The following GATC variants were observed in gnomAD, a reference collection of about 807,000 sequenced individuals.
The protein encoded by GATC is glutamyl-tRNA amidotransferase subunit C.
In GATC, 11 loss-of-function variants were observed where a neutral mutation model predicts 14.4. The observed-to-expected ratio is 0.77, with a 90% CI of 0.48 to 1.27. GATC has a LOEUF of 1.27. Ranked by LOEUF, GATC falls within the 50% of genes most tolerant of loss-of-function variation. The pLI is 0.00. For missense variants in GATC, 204 were observed against 183.0 expected, an observed-to-expected ratio of 1.11 and a Z score of -0.66; for synonymous variants, 76 against 79.3, an observed-to-expected ratio of 0.96 and a Z score of 0.22.
chr12:120,449,823 C>T (rs956077143), intron 2 of GATC, among the ~76,000 whole-genome samples: 14 of 151,688 alleles, frequency 9.2e-5, no homozygotes, highest in Non-Finnish European at 1.8e-4. Flanking sequence ...AGTGCAATGG[C>T]GCGATCTCAG....
chr12:120,453,823 A>AAAAGT (rs1213687850), intron 2 of GATC, among the ~76,000 whole-genome samples: 1 of 145,318 alleles, frequency 6.9e-6, no homozygotes, highest in African/African-American at 2.4e-5. Context: ...CTCAAAAAAA[A>AAAAGT]AAAGTAAAAC....
chr12:120,457,026 T>C, intron 2 of GATC, 50 bp from the exon 3 acceptor site: 1 of 1,264,612 alleles, frequency 7.9e-7, no homozygotes, highest in Non-Finnish European at 1.2e-6. Context: ...CATCATCCCC[T>C]AAAAGCCCCC....
At chr12:120,452,327 G>A (rs1878073298) in intron 2 of GATC, among the ~76,000 whole-genome samples, 1 of 152,184 alleles carries the variant, frequency 6.6e-6, no homozygotes, top group African/African-American at 2.4e-5. Context: ...CAGAGCTTCT[G>A]CTGCCAAATA....
chr12:120,451,875 C>CTTTT lies in GATC; in HGVS notation c.254+5063_254+5066dup, dbSNP rs1170221029. Among the ~76,000 whole-genome samples, 213 of 90,822 alleles carry CTTTT rather than the reference C, an allele frequency of 2.3e-3. 19 individuals carry two copies. The highest frequency in any genetic ancestry group is 4.0e-3 in the Non-Finnish European group (177 of 44,182). The allele number at this position is 90,822 out of a possible 152,430, so 59.6% of individuals were successfully genotyped here. A position where few individuals can be genotyped will look rare whatever the true frequency, so the allele number is the denominator to read the frequency against. On this transcript the variant is annotated intron_variant, in intron 2 of 3. Coordinates refer to ENST00000551765, the MANE Select transcript of GATC (RefSeq NM_176818.3). ...CAGGGGCTAATAAATTATATAAATT[C>CTTTT]TTTTTTTTTTTTTTTTTTTTGAGCT...
rs752541266 is a variant in GATC at position 120,446,828 on chromosome 12, A to T, written c.253A>T (p.Arg85Ter). 9.3e-5 allele frequency: 148 copies of T among 1,592,724 alleles called. No individual in the cohort carries two copies. Among genetic ancestry groups the T allele is most frequent in the Non-Finnish European group, 1.3e-4 (146 of 1,165,926 alleles). ...GCCCATGGAATCGGTCCTGGAGGACAGGTAAACTCGCGGCTGCAGCCCCGA... is the reference window on the plus strand; with the variant it reads ...GCCCATGGAATCGGTCCTGGAGGACTGGTAAACTCGCGGCTGCAGCCCCGA... Reference protein sequence around the residue: ...VEPMESVLEDRCLYLRSDNVV... With the variant: ...VEPMESVLED The change falls in exon 2 of 4, where the codon AGA becomes TGA. Residue 85 changes from arginine (R) to a stop codon, truncating the protein, a stop_gained and splice_region_variant. Transcript: ENST00000551765. LOFTEE classifies it high-confidence loss of function.
At position 120,462,260 on chromosome 12, in the gene GATC, C is replaced by G. The variant is rs1041218021; in HGVS notation, c.*2301C>G. ...CTAACAATAATAGTTAAGTATTGAG[C>G]ACTTACTGTGTACTCTGTGCCTGGC... On this transcript the variant is annotated 3_prime_UTR_variant, in exon 4 of 4. Coordinates refer to ENST00000551765, the MANE Select transcript of GATC (RefSeq NM_176818.3). The G allele has an allele frequency of 2.2e-6, 3 of 1,333,680 alleles. No individual in the cohort carries two copies. The Admixed American group carries it at 6.7e-5, about 30-fold the overall frequency. The allele number at this position is 1,333,680 out of a possible 1,614,324, so 82.6% of individuals were successfully genotyped here.
intron 3 of GATC, 28 bp from the exon 4 acceptor site, chr12:120,459,879 A>T: frequency 1.9e-6 from 3 of 1,592,644 alleles, no homozygotes; most frequent in Non-Finnish European, 2.6e-6. Context: ...CAAACAAACA[A>T]AAATTCTCTT....
chr12:120,448,391 T>C (rs1441547225), intron 2 of GATC, among the ~76,000 whole-genome samples: 2 of 148,684 alleles, frequency 1.3e-5, no homozygotes, highest in Admixed American at 6.8e-5. Context: ...TGCAGTGGCA[T>C]GATCTTGGCT....
intron 3 of GATC, among the ~76,000 whole-genome samples, chr12:120,457,750 C>A (rs2137044828): frequency 6.6e-6 from 1 of 151,882 alleles, no homozygotes; most frequent in Admixed American, 6.6e-5. Context: ...GGATTACAGG[C>A]ATGCACCAGC....
In GATC at chr12:120,461,986, T is replaced by TA. The variant is rs758963911; in HGVS notation, c.*2033dup. 1 of 1,578,496 alleles carries TA rather than the reference T, an allele frequency of 6.3e-7. No homozygotes were observed. The highest frequency in any genetic ancestry group is 1.2e-5 in the South Asian group (1 of 86,242). On this transcript the variant is annotated 3_prime_UTR_variant, in exon 4 of 4. Transcript: ENST00000551765. ...TGAGCACAAAGCAGCTCAGTTAACC[T>TA]AAAAAATAAAGAAAAAATTCCCATC...
chr12:120,457,946 A>G (rs3887875), intron 3 of GATC, among the ~76,000 whole-genome samples: 31,487 of 144,690 alleles, frequency 0.22, 3,627 homozygotes, highest in African/African-American at 0.32. Flanking sequence ...TGCCTATGAC[A>G]TGATTCAAAC....
Position 120,462,186 on chromosome 12 carries a change from A to G in GATC, c.*2227A>G. 6.3e-7 allele frequency: 1 copy of G among 1,592,148 alleles called. No individual in the cohort carries two copies. The highest frequency in any genetic ancestry group is 2.2e-5 in the East Asian group (1 of 44,520). ...CCCTGAAATGCAAACAAAAACAAAA[A>G]GAGTAAAGGGGAAAAAAATCAGAGC... On this transcript the variant is annotated 3_prime_UTR_variant, in exon 4 of 4. Coordinates refer to ENST00000551765, the MANE Select transcript of GATC (RefSeq NM_176818.3).
chr12:120,451,655 T>C (rs899848943), intron 2 of GATC, among the ~76,000 whole-genome samples: 7 of 150,306 alleles, frequency 4.7e-5, no homozygotes, highest in Admixed American at 1.3e-4. Flanking sequence ...GACAGAAGAA[T>C]TGCTTGAACC....
At chr12:120,449,164 G>A (rs952001664) in intron 2 of GATC, among the ~76,000 whole-genome samples, 14 of 151,370 alleles carry the variant, frequency 9.2e-5, no homozygotes, top group Admixed American at 8.6e-4. Context: ...AGGTTTCACC[G>A]TAGCCAAGAT....
rs1162571966 is a variant in GATC at position 120,462,612 on chromosome 12, C to T, written c.*2653C>T. ...TACCTTCCAGATGTGAGGACCTGAGCTAGATGCTTTAGACGTTATCCTCTT... is the reference window on the plus strand; with the variant it reads ...TACCTTCCAGATGTGAGGACCTGAGTTAGATGCTTTAGACGTTATCCTCTT... On this transcript the variant is annotated 3_prime_UTR_variant, in exon 4 of 4. Transcript: ENST00000551765. 6.5e-6 allele frequency: 1 copy of T among 153,570 alleles called. No individual in the cohort carries two copies. The highest frequency in any genetic ancestry group is 2.4e-5 in the African/African-American group (1 of 41,462). 9.5% of individuals were successfully genotyped at this position (153,570 alleles called of 1,614,324 possible).
At position 120,461,920 on chromosome 12, in the gene GATC, A is replaced by G; in HGVS notation, c.*1961A>G. ...TCTTTAAAAAAAAAAAATTAAAAAA[A>G]TTTCCTAAGACACTAAATCCTCAAT... On this transcript the variant is annotated 3_prime_UTR_variant, in exon 4 of 4. Transcript: ENST00000551765. 7.9e-7 allele frequency: 1 copy of G among 1,264,086 alleles called. No individual in the cohort carries two copies. 78.3% of individuals were successfully genotyped at this position (1,264,086 alleles called of 1,614,324 possible).
intron 3 of GATC, among the ~76,000 whole-genome samples, chr12:120,458,999 T>A (rs1312845170): frequency 1.3e-5 from 2 of 152,158 alleles, no homozygotes; most frequent in African/African-American, 2.4e-5. Flanking sequence ...TAGCTAGGAC[T>A]ACAGGCGCCC....
At chr12:120,452,761 C>A (rs979482068) in intron 2 of GATC, among the ~76,000 whole-genome samples, 2 of 152,006 alleles carry the variant, frequency 1.3e-5, no homozygotes, top group Non-Finnish European at 2.9e-5. Context: ...GTGGCGCAAT[C>A]TTGGCTCACT....
intron 2 of GATC, 33 bp downstream of exon 2, chr12:120,446,862 C>A: frequency 6.4e-7 from 1 of 1,556,572 alleles, no homozygotes; most frequent in Non-Finnish European, 8.7e-7. Context: ...GAAGCCTTGA[C>A]CGTGGCCCGT....
Sources: gnomAD v4.1 joint callset for allele counts (sites outside exome capture counted in the v4.1 genomes callset) on GRCh38, gnomAD v4.1.1 for gene constraint, MANE v1.5 for transcripts, NCBI Gene and HGNC (gene_info 2026-07-23, HGNC 2026-07-21) for gene names.